ADGRB3: variants seen among roughly 807,000 people sequenced by gnomAD.
ADGRB3 encodes the protein adhesion G protein-coupled receptor B3, also known as brain-specific angiogenesis inhibitor 3.
In ADGRB3, 37 loss-of-function variants were observed where a neutral mutation model predicts 193.4. The observed-to-expected ratio is 0.19, with a 90% CI of 0.15 to 0.25. ADGRB3 has a LOEUF of 0.25. Ranked by LOEUF, ADGRB3 falls within the 10% of genes least tolerant of loss-of-function variation. The pLI, the probability that ADGRB3 is intolerant of heterozygous loss-of-function variation, is 1.00. For missense variants in ADGRB3, 1,637 were observed against 1,852.9 expected (o/e 0.88, Z 2.14); for synonymous variants, 690 against 644.2 (o/e 1.07, Z -1.08).
chr6:69,307,023 CTG>C (rs777897354), intron 20 of ADGRB3, among the ~76,000 whole-genome samples: 3 of 151,340 alleles, frequency 2.0e-5, no homozygotes, highest in South Asian at 4.2e-4. Flanking sequence ...TCTCCCCTCT[CTG>C]TGTTTTGTGC....
intron 3 of ADGRB3, among the ~76,000 whole-genome samples, chr6:68,881,510 A>T (rs1765729425): frequency 6.6e-6 from 1 of 152,168 alleles, no homozygotes; most frequent in African/African-American, 2.4e-5. Flanking sequence ...TACACGGATG[A>T]CTAAGACACA....
At chr6:69,116,487 TCAGGACA>T (rs1463944714) in intron 17 of ADGRB3, among the ~76,000 whole-genome samples, 4 of 152,216 alleles carry the variant, frequency 2.6e-5, no homozygotes, top group African/African-American at 2.4e-5. Context: ...AAGTTATTTT[TCAGGACA>T]CAGCTGGGAT....
At chr6:69,291,239 A>G (rs1767659734) in intron 20 of ADGRB3, among the ~76,000 whole-genome samples, 1 of 152,124 alleles carries the variant, frequency 6.6e-6, no homozygotes, top group Non-Finnish European at 1.5e-5. Context: ...CTTTATTATT[A>G]TTACTGTGAT....
At chr6:68,981,800 C>T (rs1313390387) in intron 10 of ADGRB3, among the ~76,000 whole-genome samples, 3 of 151,350 alleles carry the variant, frequency 2.0e-5, no homozygotes, top group Non-Finnish European at 4.4e-5. Context: ...TTTTTAAGAT[C>T]ACAACACTTT....
intron 20 of ADGRB3, among the ~76,000 whole-genome samples, chr6:69,281,258 G>A (rs972238690): frequency 1.3e-5 from 2 of 152,118 alleles, no homozygotes; most frequent in Non-Finnish European, 2.9e-5. Flanking sequence ...GGGTACAACA[G>A]GGATAGACTA....
At chr6:68,887,711 G>A (rs1765949685) in intron 3 of ADGRB3, among the ~76,000 whole-genome samples, 1 of 152,028 alleles carries the variant, frequency 6.6e-6, no homozygotes, top group Admixed American at 6.6e-5. Context: ...ATTGTCTTAT[G>A]TAATTTATTT....
chr6:68,661,634 G>A (rs2127288850), intron 3 of ADGRB3, among the ~76,000 whole-genome samples: 1 of 147,386 alleles, frequency 6.8e-6, no homozygotes, highest in South Asian at 2.1e-4. Context: ...AATATAATTT[G>A]AGTGAAAGAA....
At chr6:68,787,154 C>T (rs192693019) in intron 3 of ADGRB3, among the ~76,000 whole-genome samples, 4,381 of 152,174 alleles carry the variant, frequency 0.029, 213 homozygotes, top group African/African-American at 0.098. Flanking sequence ...TTTCCTTCTC[C>T]TGCATGATTG....
At chr6:69,198,670 G>T (rs1765349482) in intron 17 of ADGRB3, among the ~76,000 whole-genome samples, 1 of 152,062 alleles carries the variant, frequency 6.6e-6, no homozygotes. Flanking sequence ...GAAACAGTTG[G>T]AAGAGACAAG....
At chr6:68,930,774 A>G (rs1487101716) in intron 4 of ADGRB3, 105 bp downstream of exon 4, 2 of 915,732 alleles carry the variant, frequency 2.2e-6, no homozygotes, top group East Asian at 2.8e-5. Flanking sequence ...TGGAGCTGAT[A>G]TTTTTTCGAG....
At chr6:68,763,332 C>T (rs898907190) in intron 3 of ADGRB3, among the ~76,000 whole-genome samples, 3 of 152,100 alleles carry the variant, frequency 2.0e-5, no homozygotes, top group Admixed American at 1.3e-4. Flanking sequence ...TCAGGTGATC[C>T]GCCCGCCTTG....
chr6:68,905,956 A>G (rs552092873), intron 3 of ADGRB3, among the ~76,000 whole-genome samples: 70 of 152,246 alleles, frequency 4.6e-4, no homozygotes, highest in Middle Eastern at 3.4e-3. Context: ...TTTTGTTAAA[A>G]AAAAAGTTTC....
intron 10 of ADGRB3, among the ~76,000 whole-genome samples, chr6:68,992,752 C>G (rs1010518954): frequency 3.9e-5 from 6 of 152,020 alleles, no homozygotes; most frequent in Non-Finnish European, 7.4e-5. Context: ...AAATATAATA[C>G]TTAGAAAATT....
chr6:69,055,813 T>G (rs927791542), intron 15 of ADGRB3, among the ~76,000 whole-genome samples: 9 of 151,934 alleles, frequency 5.9e-5, no homozygotes, highest in Non-Finnish European at 1.2e-4. Context: ...TTTTGTTTTT[T>G]TTTGTTTTGC....
intron 3 of ADGRB3, among the ~76,000 whole-genome samples, chr6:68,792,364 A>G (rs1213161962): frequency 6.6e-6 from 1 of 152,188 alleles, no homozygotes; most frequent in Non-Finnish European, 1.5e-5. Context: ...AGCATTTAGC[A>G]TTGCTCCTGT....
intron 3 of ADGRB3, among the ~76,000 whole-genome samples, chr6:68,811,075 GAT>G (rs140401590): frequency 1.1e-4 from 17 of 149,926 alleles, no homozygotes; most frequent in Admixed American, 2.0e-4. Context: ...TTTATGAGGA[GAT>G]ATATATATAT....
intron 17 of ADGRB3, among the ~76,000 whole-genome samples, chr6:69,102,331 T>C (rs1210832601): frequency 6.6e-6 from 1 of 152,202 alleles, no homozygotes; most frequent in Non-Finnish European, 1.5e-5. Context: ...CTGAAATTTT[T>C]ATAAATAGCA....
intron 3 of ADGRB3, among the ~76,000 whole-genome samples, chr6:68,723,847 G>A (rs1348306333): frequency 4.0e-5 from 6 of 151,532 alleles, no homozygotes; most frequent in Admixed American, 2.0e-4. Flanking sequence ...TGCCCCCAGC[G>A]GACATTTGTC....
intron 28 of ADGRB3, among the ~76,000 whole-genome samples, chr6:69,359,386 C>G (rs1360996052): frequency 6.6e-6 from 1 of 151,158 alleles, no homozygotes; most frequent in Non-Finnish European, 1.5e-5. Context: ...CTGAATTATT[C>G]TACTTTTTAT....
Sources: allele counts gnomAD v4.1 joint callset (sites outside exome capture counted in the v4.1 genomes callset), GRCh38; gene constraint gnomAD v4.1.1; transcripts MANE v1.5; gene names NCBI Gene and HGNC (gene_info 2026-07-23, HGNC 2026-07-21).